The following DENND4A variants were observed in gnomAD, a reference collection of about 807,000 sequenced individuals.
The protein encoded by DENND4A is DENN domain containing 4A.
In DENND4A, 70 loss-of-function variants were observed where a neutral mutation model predicts 199.3. The observed-to-expected ratio is 0.35, with a 90% confidence interval of 0.29 to 0.43. The LOEUF is 0.43. Among genes scored for constraint, DENND4A ranks in the 20% least tolerant of loss-of-function variants. The pLI is 1.00. For synonymous variants in DENND4A, 686 were observed against 766.9 expected (o/e 0.89, Z 1.74); for missense variants, 1,723 against 2,255.8 (o/e 0.76, Z 4.78).
intron 1 of DENND4A, among the ~76,000 whole-genome samples, chr15:65,790,640 A>G (rs992418187): frequency 3.9e-5 from 6 of 152,188 alleles, no homozygotes; most frequent in Non-Finnish European, 7.3e-5. Context: ...CGTGAAAATA[A>G]AGTAAAAATT....
intron 23 of DENND4A, among the ~76,000 whole-genome samples, chr15:65,677,913 G>A (rs1436219086): frequency 1.4e-5 from 2 of 145,852 alleles, no homozygotes; most frequent in African/African-American, 5.0e-5. Context: ...ATTTTAGAGT[G>A]CAGCCTCTTA....
intron 4 of DENND4A, among the ~76,000 whole-genome samples, chr15:65,750,929 G>A (rs1043406479): frequency 1.3e-5 from 2 of 152,042 alleles, no homozygotes; most frequent in African/African-American, 2.4e-5. Context: ...GAGCAGAAGT[G>A]GAAGAACTGA....
At position 65,788,861 on chromosome 15, in the gene DENND4A, A is replaced by G. The variant is rs2077639415; in HGVS notation, c.-102+3149T>C. On this transcript the variant is annotated intron_variant, in intron 1 of 32. Transcript: ENST00000443035. The stretch of plus-strand genomic sequence containing the variant: ...CAGAGCCAGGACTTGTCTTAAAAAA[A>G]AAAAAAAAAAAAAAAAGTAATAATT... Among the ~76,000 whole-genome samples, 3 of 149,342 alleles carry G rather than the reference A, an allele frequency of 2.0e-5. No individual in the cohort carries two copies. In the South Asian group the frequency reaches 6.2e-4, roughly 31 times the overall value.
intron 1 of DENND4A, among the ~76,000 whole-genome samples, chr15:65,770,508 G>A (rs890057600): frequency 1.3e-5 from 2 of 151,988 alleles, no homozygotes; most frequent in Admixed American, 1.3e-4. Context: ...TATATGTATA[G>A]TAATTCATAA....
chr15:65,664,431 CAT>C, intron 31 of DENND4A, 37 bp from the exon 32 acceptor site: 1 of 1,512,930 alleles, frequency 6.6e-7, no homozygotes, highest in Non-Finnish European at 9.1e-7. Flanking sequence ...TATTAGTATC[CAT>C]ATAGTCCATA....
intron 5 of DENND4A, 130 bp from the exon 6 acceptor site, chr15:65,739,005 T>C (rs1567063211): frequency 6.6e-6 from 4 of 610,074 alleles, no homozygotes; most frequent in Non-Finnish European, 1.1e-5. Context: ...GTTCATCAAA[T>C]AACACTGAAT....
intron 17 of DENND4A, 94 bp from the exon 18 acceptor site, chr15:65,701,984 A>G: frequency 6.5e-7 from 1 of 1,531,370 alleles, no homozygotes; most frequent in Non-Finnish European, 9.0e-7. Flanking sequence ...TAATTGTGGC[A>G]GGGCACAGTG....
chr15:65,728,842 G>C (rs2075883776), intron 11 of DENND4A: 1 of 516,492 alleles, frequency 1.9e-6, no homozygotes. Context: ...CTTAAATATT[G>C]AAAGCCTGAG....
intron 4 of DENND4A, among the ~76,000 whole-genome samples, chr15:65,748,536 G>A (rs144688251): frequency 9.0e-4 from 135 of 150,712 alleles, no homozygotes; most frequent in Non-Finnish European, 1.5e-3. Flanking sequence ...GGAGAATCAC[G>A]TTAGCCCAGG....
At chr15:65,712,441 TTA>T (rs1017055380) in intron 14 of DENND4A, among the ~76,000 whole-genome samples, 1 of 152,218 alleles carries the variant, frequency 6.6e-6, no homozygotes, top group Non-Finnish European at 1.5e-5. Flanking sequence ...GCAGCTATAA[TTA>T]TTTCTCCTCA....
chr15:65,670,287 A>G (rs143992966), intron 25 of DENND4A, 99 bp from the exon 26 acceptor site: 11,255 of 1,000,494 alleles, frequency 0.011, 83 homozygotes, highest in Admixed American at 0.014. Context: ...ATTAAAACCC[A>G]GAAGGATTCA....
intron 1 of DENND4A, among the ~76,000 whole-genome samples, chr15:65,763,349 T>C (rs1311956933): frequency 1.3e-5 from 2 of 152,132 alleles, no homozygotes; most frequent in Admixed American, 1.3e-4. Flanking sequence ...TGTGTGTGTC[T>C]GTGAGAAGTG....
At chr15:65,726,088 G>A (rs1351449062) in intron 11 of DENND4A, 1 of 152,152 alleles carries the variant, frequency 6.6e-6, no homozygotes, top group Non-Finnish European at 1.5e-5. Context: ...AAAGAGCTCA[G>A]ACCTCAGCAA....
At chr15:65,704,529 C>G (rs1019460239) in intron 15 of DENND4A, among the ~76,000 whole-genome samples, 1 of 152,036 alleles carries the variant, frequency 6.6e-6, no homozygotes, top group Non-Finnish European at 1.5e-5. Context: ...TGCAGCACCA[C>G]GCCCAGCTAT....
chr15:65,703,109 C>T, intron 15 of DENND4A, 101 bp from the exon 16 acceptor site: 1 of 1,053,712 alleles, frequency 9.5e-7, no homozygotes, highest in Admixed American at 2.8e-5. Context: ...ATAACTTCTT[C>T]ACATAGAATT....
chr15:65,769,011 C>CA (rs931558957), intron 1 of DENND4A, among the ~76,000 whole-genome samples: 215 of 139,494 alleles, frequency 1.5e-3, no homozygotes, highest in Middle Eastern at 7.1e-3. Flanking sequence ...AACCAAAAAA[C>CA]AAAAAAAAAA....
chr15:65,715,353 T>C (rs2075366754), intron 14 of DENND4A, 125 bp downstream of exon 14: 2 of 932,066 alleles, frequency 2.1e-6, no homozygotes, highest in Non-Finnish European at 3.0e-6. Context: ...TTCATTTAAG[T>C]GGTCAACGAT....
rs869058369 is a variant in DENND4A, at chr15:65,659,322, G to GTTTTTTTTTTTTTTT, written c.*2514_*2528dup. The GTTTTTTTTTTTTTTT allele has an allele frequency of 4.2e-5, 3 of 71,604 alleles. No homozygotes were observed. The East Asian group carries it at 1.0e-3, about 24-fold the overall frequency. The allele number at this position is 71,604 out of a possible 1,614,324, so 4.4% of individuals were successfully genotyped here. A position where few individuals can be genotyped will look rare whatever the true frequency, so the allele number is the denominator to read the frequency against. ...TATTTTAAATGATTGATATTTTCTG[G>GTTTTTTTTTTTTTTT]TTTTTTTTTTTTTTTTTTTTTTTTT... On this transcript the variant is annotated 3_prime_UTR_variant, in exon 33 of 33. Transcript: ENST00000443035.
rs563587300 is a variant in DENND4A, at chr15:65,752,575, C to G, written c.365G>C (p.Ser122Thr). The G allele has an allele frequency of 6.2e-7, 1 of 1,602,746 alleles. No individual in the cohort carries two copies. Among genetic ancestry groups the G allele is most frequent in the Non-Finnish European group, 8.5e-7 (1 of 1,173,262 alleles). Residue 122 changes from serine to threonine, a missense_variant, in exon 4 of 33, where the codon AGT becomes ACT. Transcript: ENST00000443035. Reference protein sequence around the residue: ...RLKQGCEIIQSTPYGRPANIS... With the variant: ...RLKQGCEIIQTTPYGRPANIS... ...ATTTGCGGGGCGCCCATAGGGAGTA[C>G]TCTGAATAATTTCACAACCCTGTTT... is the stretch of plus-strand genomic sequence containing the variant.
Sources: gnomAD v4.1 joint callset for allele counts (sites outside exome capture counted in the v4.1 genomes callset) on GRCh38, gnomAD v4.1.1 for gene constraint, MANE v1.5 for transcripts, NCBI Gene and HGNC (gene_info 2026-07-23, HGNC 2026-07-21) for gene names.